EHBP1: variants seen among roughly 807,000 people sequenced by gnomAD.
EHBP1 encodes EH domain binding protein 1, also known as EH domain-binding protein 1.
A neutral mutation model predicts 144.0 loss-of-function variants in EHBP1; 55 were observed. The observed-to-expected ratio is 0.38, with a 90% CI of 0.31 to 0.48. The LOEUF (loss-of-function observed/expected upper bound fraction) is 0.48. Among genes scored for constraint, EHBP1 ranks in the 20% least tolerant of loss-of-function variants. The pLI, the probability that EHBP1 is intolerant of heterozygous loss-of-function variation, is 0.98. For synonymous variants in EHBP1, 469 were observed against 472.7 expected, an observed-to-expected ratio of 0.99 and a Z score of 0.10; for missense variants, 1,200 against 1,364.2, an observed-to-expected ratio of 0.88 and a Z score of 1.90.
chr2:62,673,908 C>T lies in EHBP1; in HGVS notation c.-471C>T, dbSNP rs181643789. ...CTGACTCTCCCTCCCCAAAGAGAGA[C>T]TCCAGCGAGAGACTGGGGATTTGGA... is the stretch of plus-strand genomic sequence containing the variant. On this transcript the variant is annotated 5_prime_UTR_variant, in exon 1 of 23. Coordinates refer to the EHBP1 transcript ENST00000405015. 80 of 404,414 alleles carry T rather than the reference C, an allele frequency of 2.0e-4. 1 individual carries two copies. Among genetic ancestry groups the T allele is most frequent in the Middle Eastern group, 7.8e-4 (2 of 2,552 alleles). 25.1% of individuals were successfully genotyped at this position (404,414 alleles called of 1,614,324 possible). A position where few individuals can be genotyped will look rare whatever the true frequency, so the allele number is the denominator to read the frequency against.
At chr2:62,681,511 CATACT>C (rs1438601772) in intron 1 of EHBP1, among the ~76,000 whole-genome samples, 3 of 151,304 alleles carry the variant, frequency 2.0e-5, no homozygotes, top group Admixed American at 1.3e-4. Context: ...AGCACAATTC[CATACT>C]ATTGAGAGGC....
Position 62,828,492 on chromosome 2 carries a change from G to T in EHBP1, c.494+2224G>T, listed in dbSNP as rs182270075. On this transcript the variant is annotated intron_variant, in intron 6 of 22. Transcript: ENST00000431489. Reference sequence around the variant, plus strand: ...ATTTAACATACAATCATCCAAGGTAGTTTTTTTTATCTTGTAGCTCTTAAA... The same window carrying T: ...ATTTAACATACAATCATCCAAGGTATTTTTTTTTATCTTGTAGCTCTTAAA... Among the ~76,000 whole-genome samples, 19 of 152,002 alleles carry T rather than the reference G, an allele frequency of 1.2e-4. No homozygotes were observed. The East Asian group carries it at 3.7e-3, about 29-fold the overall frequency.
chr2:62,914,607 G>A (rs1485448516), intron 10 of EHBP1, among the ~76,000 whole-genome samples: 1 of 151,930 alleles, frequency 6.6e-6, no homozygotes, highest in East Asian at 1.9e-4. Flanking sequence ...GTGAGCAAAA[G>A]GACTGAAATG....
chr2:62,794,619 TTA>T (rs2043407833), intron 5 of EHBP1, among the ~76,000 whole-genome samples: 2 of 152,090 alleles, frequency 1.3e-5, no homozygotes, highest in South Asian at 4.1e-4. Context: ...TGCTCAAAAT[TTA>T]TGTTTTTTAA....
Position 62,871,945 on chromosome 2 carries a change from G to C in EHBP1, c.999-2401G>C, listed in dbSNP as rs1451391274. 2.6e-5 allele frequency: 4 copies of C among 152,278 alleles called. No homozygotes were observed. The East Asian group carries it at 7.7e-4, about 29-fold the overall frequency. 9.4% of individuals were successfully genotyped at this position (152,278 alleles called of 1,614,324 possible). A position where few individuals can be genotyped will look rare whatever the true frequency, so the allele number is the denominator to read the frequency against. The stretch of plus-strand genomic sequence containing the variant: ...AATATTATTTTTTCAGAACTTTTAT[G>C]AAGTGACTTTTGAGGCCCAGCATGC... On this transcript the variant is annotated intron_variant, in intron 9 of 22. Coordinates refer to ENST00000431489, the MANE Select transcript of EHBP1 (RefSeq NM_001142616.3).
intron 21 of EHBP1, among the ~76,000 whole-genome samples, chr2:63,043,018 A>C (rs889598489): frequency 1.2e-4 from 18 of 152,272 alleles, no homozygotes; most frequent in South Asian, 8.3e-4. Flanking sequence ...ATTAACATTC[A>C]TTAAACTAGT....
intron 4 of EHBP1, among the ~76,000 whole-genome samples, chr2:62,767,365 A>T (rs1056348038): frequency 1.3e-5 from 2 of 152,158 alleles, no homozygotes; most frequent in Non-Finnish European, 2.9e-5. Flanking sequence ...TTAATATTAA[A>T]TAATGATTAT....
At chr2:62,746,340 G>C (rs1409018863) in intron 2 of EHBP1, among the ~76,000 whole-genome samples, 1 of 152,000 alleles carries the variant, frequency 6.6e-6, no homozygotes, top group Non-Finnish European at 1.5e-5. Flanking sequence ...AGGTTTGTAG[G>C]TGGATCGCTG....
chr2:63,016,815 G>A (rs1035245982), intron 19 of EHBP1, among the ~76,000 whole-genome samples: 3 of 152,186 alleles, frequency 2.0e-5, no homozygotes, highest in Non-Finnish European at 2.9e-5. Flanking sequence ...CATCTTGATG[G>A]AATCACAGCC....
chr2:62,680,613 G>A (rs897626632), intron 1 of EHBP1, among the ~76,000 whole-genome samples: 1 of 152,034 alleles, frequency 6.6e-6, no homozygotes, highest in Admixed American at 6.6e-5. Context: ...GGAGAATAAA[G>A]CCTTGGAATC....
intron 19 of EHBP1, among the ~76,000 whole-genome samples, chr2:63,008,463 G>GA (rs1034650370): frequency 2.0e-5 from 3 of 150,776 alleles, no homozygotes; most frequent in African/African-American, 7.3e-5. Context: ...CCTCTCTAAT[G>GA]AAAAAAATGA....
At chr2:62,978,203 T>C (rs1294306889) in intron 14 of EHBP1, among the ~76,000 whole-genome samples, 2 of 145,626 alleles carry the variant, frequency 1.4e-5, no homozygotes, top group Non-Finnish European at 3.0e-5. Flanking sequence ...TAATAATCCT[T>C]TTTTTTTTTT....
intron 12 of EHBP1, among the ~76,000 whole-genome samples, chr2:62,946,275 A>G (rs1440728136): frequency 6.6e-6 from 1 of 152,196 alleles, no homozygotes; most frequent in Non-Finnish European, 1.5e-5. Context: ...AATAATGGTA[A>G]GCATACTTTG....
At chr2:62,944,432 C>A (rs1213160250) in intron 12 of EHBP1, among the ~76,000 whole-genome samples, 1 of 152,118 alleles carries the variant, frequency 6.6e-6, no homozygotes, top group African/African-American at 2.4e-5. Context: ...CATTGTGTTA[C>A]AATTACCTAC....
At position 62,826,210 on chromosome 2, in the gene EHBP1, G is replaced by A. The variant is rs142870089; in HGVS notation, c.436G>A (p.Val146Ile). The change falls in exon 6 of 23, where the codon GTA (valine) becomes ATA (isoleucine). Residue 146 changes from valine (V) to isoleucine (I), a missense_variant. By Grantham distance (29) the Val-to-Ile change is conservative. Coordinates refer to ENST00000431489, the MANE Select transcript of EHBP1 (RefSeq NM_001142616.3). ...ATTCAAGCCATTATCTAAAAAAGTT[G>A]TATCTGCCGCTCTTCAGTTTTCATT... The part of the protein sequence containing the change: ...LKFKPLSKKV[V>I]SAALQFSLSC... The A allele has an allele frequency of 1.2e-6, 2 of 1,610,640 alleles. No homozygotes were observed. Among genetic ancestry groups the A allele is most frequent in the African/African-American group, 1.3e-5 (1 of 74,782 alleles).
At chr2:62,923,470 C>T (rs2055247715) in intron 10 of EHBP1, among the ~76,000 whole-genome samples, 1 of 152,174 alleles carries the variant, frequency 6.6e-6, no homozygotes, top group South Asian at 2.1e-4. Context: ...CAGAAAAGTC[C>T]CTGACCTGCC....
intron 19 of EHBP1, among the ~76,000 whole-genome samples, chr2:63,014,051 C>T (rs2060382372): frequency 6.6e-6 from 1 of 152,114 alleles, no homozygotes; most frequent in Non-Finnish European, 1.5e-5. Context: ...GGAAGTACTC[C>T]GCATTAGCAG....
At chr2:62,777,393 C>T (rs889103643) in intron 5 of EHBP1, among the ~76,000 whole-genome samples, 1 of 149,684 alleles carries the variant, frequency 6.7e-6, no homozygotes, top group Non-Finnish European at 1.5e-5. Flanking sequence ...ATTTATTCAA[C>T]CATTCTGCAA....
rs2038238871 is a variant in EHBP1, at chr2:62,737,356, C to T, written c.105-10039C>T. ...TAAAACTCCCAAAAATGTGCTTCCC[C>T]TTTCCCCCGCGACTGGGTCCCCCTG... On this transcript the variant is annotated intron_variant, in intron 2 of 22. Coordinates refer to ENST00000431489, the MANE Select transcript of EHBP1 (RefSeq NM_001142616.3). 2.0e-5 allele frequency among the ~76,000 whole-genome samples: 3 copies of T among 152,154 alleles called. No individual in the cohort carries two copies. In the South Asian group the frequency reaches 6.2e-4, roughly 32 times the overall value.
Sources: allele counts gnomAD v4.1 joint callset (sites outside exome capture counted in the v4.1 genomes callset), GRCh38; gene constraint gnomAD v4.1.1; transcripts MANE v1.5; gene names NCBI Gene and HGNC (gene_info 2026-07-23, HGNC 2026-07-21).